Variants in TOGARAM1 observed in about 807,000 individuals in gnomAD.
TOGARAM1 encodes TOG array regulator of axonemal microtubules protein 1.
In TOGARAM1, 100 loss-of-function variants were observed where a neutral mutation model predicts 166.6. That is an observed-to-expected ratio of 0.60 (90% CI 0.51 to 0.71). The LOEUF (loss-of-function observed/expected upper bound fraction) is 0.71, where lower values mean the gene tolerates loss of function less well. Ranked by LOEUF, TOGARAM1 falls within the 30% of genes least tolerant of loss-of-function variation. The pLI is 0.00. For synonymous variants in TOGARAM1, 758 were observed against 763.8 expected, an observed-to-expected ratio of 0.99 and a Z score of 0.13; for missense variants, 2,029 against 2,102.7, an observed-to-expected ratio of 0.96 and a Z score of 0.69.
chr14:45,014,507 C>T (rs930471957), intron 7 of TOGARAM1, among the ~76,000 whole-genome samples: 3 of 152,124 alleles, frequency 2.0e-5, no homozygotes, highest in South Asian at 2.1e-4. Flanking sequence ...GCTAATGTTT[C>T]GGATTTTATA....
At chr14:44,990,527 G>A (rs1887067648) in intron 1 of TOGARAM1, among the ~76,000 whole-genome samples, 1 of 152,134 alleles carries the variant, frequency 6.6e-6, no homozygotes, top group Admixed American at 6.5e-5. Flanking sequence ...AGAAATAAAT[G>A]TCAAACAAAG....
chr14:45,058,794 A>G (rs552768220), intron 16 of TOGARAM1, among the ~76,000 whole-genome samples: 21 of 152,096 alleles, frequency 1.4e-4, no homozygotes, highest in African/African-American at 5.1e-4. Context: ...GTTAAGTGTT[A>G]TCTCCCTGTT....
chr14:45,019,349 C>T (rs1880349859), intron 7 of TOGARAM1, among the ~76,000 whole-genome samples: 1 of 152,128 alleles, frequency 6.6e-6, no homozygotes, highest in Non-Finnish European at 1.5e-5. Flanking sequence ...TAAATCCAGG[C>T]TGCATAGTCT....
chr14:45,054,886 G>A (rs1400289167), intron 16 of TOGARAM1, among the ~76,000 whole-genome samples: 1 of 151,798 alleles, frequency 6.6e-6, no homozygotes, highest in Non-Finnish European at 1.5e-5. Flanking sequence ...ATGGTTAAAG[G>A]GGAAAAAAAA....
intron 14 of TOGARAM1, among the ~76,000 whole-genome samples, chr14:45,047,286 G>A (rs1478205129): frequency 2.6e-5 from 4 of 151,902 alleles, no homozygotes; most frequent in Non-Finnish European, 5.9e-5. Context: ...CAGCTACTCT[G>A]GAGGCTGAGG....
chr14:45,068,971 A>G (rs1199289852), intron 18 of TOGARAM1, among the ~76,000 whole-genome samples: 1 of 152,078 alleles, frequency 6.6e-6, no homozygotes, highest in Non-Finnish European at 1.5e-5. Flanking sequence ...TAAGAAAATA[A>G]TAATAAATAA....
intron 1 of TOGARAM1, among the ~76,000 whole-genome samples, chr14:44,975,184 C>G (rs79802666): frequency 0.028 from 4,269 of 152,196 alleles, 90 homozygotes; most frequent in Non-Finnish European, 0.045. Flanking sequence ...CACTTTGACA[C>G]AGATCAACTG....
chr14:45,053,374 G>A (rs1057169117), intron 15 of TOGARAM1, among the ~76,000 whole-genome samples: 1 of 151,914 alleles, frequency 6.6e-6, no homozygotes, highest in African/African-American at 2.4e-5. Context: ...TAGATAATGG[G>A]AATTCAGTAA....
chr14:45,048,728 G>A (rs1463098857), intron 14 of TOGARAM1, among the ~76,000 whole-genome samples: 42 of 152,092 alleles, frequency 2.8e-4, no homozygotes, highest in Admixed American at 2.8e-3. Context: ...TATAATCCCA[G>A]CACTTTGGGA....
intron 1 of TOGARAM1, 77 bp downstream of exon 1, chr14:44,964,544 A>G: frequency 6.9e-7 from 1 of 1,440,706 alleles, no homozygotes; most frequent in Non-Finnish European, 9.3e-7. Flanking sequence ...CTTAAGGGTC[A>G]GCCTGCTTGA....
chr14:44,962,565 C>T lies in TOGARAM1; in HGVS notation c.144C>T (p.Tyr48=), dbSNP rs1885218845. The T allele has an allele frequency of 1.9e-6, 3 of 1,614,066 alleles. No homozygotes were observed. Among genetic ancestry groups the T allele is most frequent in the Non-Finnish European group, 1.7e-6 (2 of 1,179,944 alleles). ...GCATTATGAGAGGAGAGAAAAACTA[C>T]TACTTCCGTGGAGCTGCGGGGGACC... The part of the protein sequence containing the change: ...VGGIMRGEKN[Y]YFRGAAGDHG... The change falls in exon 1 of 20, where the codon TAC becomes TAT. Residue 48 remains tyrosine, a synonymous_variant. Coordinates refer to ENST00000361462, the MANE Select transcript of TOGARAM1 (RefSeq NM_001308120.2).
At chr14:45,052,854 CTG>C (rs1882441759) in intron 15 of TOGARAM1, among the ~76,000 whole-genome samples, 1 of 152,122 alleles carries the variant, frequency 6.6e-6, no homozygotes, top group Non-Finnish European at 1.5e-5. Context: ...CAGTTAGCAA[CTG>C]TGTAACTTAC....
intron 6 of TOGARAM1, among the ~76,000 whole-genome samples, chr14:45,010,040 AT>A (rs1329728013): frequency 6.6e-6 from 1 of 152,024 alleles, no homozygotes; most frequent in Non-Finnish European, 1.5e-5. Flanking sequence ...TCATTCTTAA[AT>A]TTTTTTTCCT....
chr14:45,045,674 T>TATATATACAC (rs1335220369), intron 13 of TOGARAM1, among the ~76,000 whole-genome samples: 1 of 102,062 alleles, frequency 9.8e-6, no homozygotes, highest in Non-Finnish European at 1.7e-5. Flanking sequence ...TATATGTGTA[T>TATATATACAC]ATATATACAC....
Position 45,054,701 on chromosome 14 carries a change from G to T in TOGARAM1, c.4559+152G>T, listed in dbSNP as rs1325240780. ...GGATCCAGAAAGTGTGAGGTAATTAGATTTAATAAGGCAATTATATATTTA... is the reference window on the plus strand; with the variant it reads ...GGATCCAGAAAGTGTGAGGTAATTATATTTAATAAGGCAATTATATATTTA... On this transcript the variant is annotated intron_variant, in intron 16 of 19. Coordinates refer to ENST00000361462, the MANE Select transcript of TOGARAM1 (RefSeq NM_001308120.2). 32 of 573,314 alleles carry T rather than the reference G, an allele frequency of 5.6e-5. No individual in the cohort carries two copies. In the East Asian group the frequency reaches 9.3e-4, roughly 17 times the overall value. The allele number at this position is 573,314 out of a possible 1,614,324, so 35.5% of individuals were successfully genotyped here.
chr14:45,042,595 C>A (rs530516993), intron 11 of TOGARAM1, among the ~76,000 whole-genome samples: 1 of 151,894 alleles, frequency 6.6e-6, no homozygotes, highest in Non-Finnish European at 1.5e-5. Flanking sequence ...ATAAGGTACA[C>A]AATTATAGAT....
At chr14:45,050,956 G>T (rs1882334627) in intron 14 of TOGARAM1, among the ~76,000 whole-genome samples, 1 of 152,148 alleles carries the variant, frequency 6.6e-6, no homozygotes, top group African/African-American at 2.4e-5. Context: ...CAAGTTGTGA[G>T]TAAAAGTGTA....
intron 18 of TOGARAM1, among the ~76,000 whole-genome samples, chr14:45,070,505 T>C (rs549526094): frequency 6.6e-6 from 1 of 152,370 alleles, no homozygotes; most frequent in East Asian, 1.9e-4. Context: ...ATTTGCATTA[T>C]TGACAAATAC....
chr14:44,968,492 C>G (rs1303620032), intron 1 of TOGARAM1, among the ~76,000 whole-genome samples: 1 of 152,212 alleles, frequency 6.6e-6, no homozygotes, highest in Non-Finnish European at 1.5e-5. Context: ...TCGTGATCTG[C>G]CCGCCTCGGC....
Sources: gnomAD v4.1 joint callset for allele counts (sites outside exome capture counted in the v4.1 genomes callset) on GRCh38, gnomAD v4.1.1 for gene constraint, MANE v1.5 for transcripts, NCBI Gene and HGNC (gene_info 2026-07-23, HGNC 2026-07-21) for gene names.